Variants in LOXL3 observed in about 807,000 individuals in gnomAD.
LOXL3 encodes the protein lysyl oxidase homolog 3.
Under a neutral mutation model 91.8 loss-of-function variants are expected in LOXL3, and 60 were observed. The ratio of observed to expected loss-of-function variants is 0.65; its 90% confidence interval spans 0.53 to 0.81. LOXL3 has a LOEUF of 0.81. LOXL3 is among the 30% of genes least tolerant of loss of function. The pLI, the probability that LOXL3 is intolerant of heterozygous loss-of-function variation, is 0.00. For missense variants in LOXL3, 874 were observed against 1,000.4 expected (o/e 0.87, Z 1.70); for synonymous variants, 355 against 387.6 (o/e 0.92, Z 0.99).
Position 74,534,719 on chromosome 2 carries a change from T to G in LOXL3, c.1635A>C (p.Glu545Asp). 1 of 1,614,162 alleles carries G rather than the reference T, an allele frequency of 6.2e-7. No homozygotes were observed. The highest frequency in any genetic ancestry group is 8.5e-7 in the Non-Finnish European group (1 of 1,180,022). ...AGTACAACATATGCAGGGGCCGGTC[T>G]TCGATGTAGGCGGTCTCCTGCACCA... ...SALVQETAYI[E>D]DRPLHMLYCA... The change falls in exon 10 of 14, where the codon GAA (glutamate) becomes GAC (aspartate). Residue 545 changes from glutamate to aspartate, a missense_variant. Coordinates refer to ENST00000264094, the MANE Select transcript of LOXL3 (RefSeq NM_032603.5).
At position 74,552,443 on chromosome 2, in the gene LOXL3, A is replaced by T. The variant is rs982285787; in HGVS notation, c.192T>A (p.Gly64=). The T allele has an allele frequency of 1.9e-6, 3 of 1,613,704 alleles. No individual in the cohort carries two copies. The highest frequency in any genetic ancestry group is 4.5e-5 in the East Asian group (2 of 44,890). Residue 64 remains glycine, a synonymous_variant, in exon 2 of 14, where the codon GGT becomes GGA. Transcript: ENST00000264094. ...CATCATCGCAGATGGTGCCCCATTC[A>T]CCAGCTCGCTGTATCTCCACGCGGC... ...YEGRVEIQRA[G]EWGTICDDDF...
chr2:74,547,777 G>GA (rs1297940994), intron 4 of LOXL3, among the ~76,000 whole-genome samples: 1 of 151,968 alleles, frequency 6.6e-6, no homozygotes, highest in African/African-American at 2.4e-5. Context: ...AAGCATTTAG[G>GA]AAAAAATAAG....
At chr2:74,551,374 C>A (rs1341137821) in intron 2 of LOXL3, among the ~76,000 whole-genome samples, 17 of 152,238 alleles carry the variant, frequency 1.1e-4, no homozygotes, top group Admixed American at 1.1e-3. Flanking sequence ...CTAGCTCCTG[C>A]CCCACCAGAC....
chr2:74,554,830 G>A (rs1057386503), upstream of LOXL3: 1 of 1,613,834 alleles, frequency 6.2e-7, no homozygotes, highest in Non-Finnish European at 8.5e-7. This position sits in a 1 kb window ranked among gnomAD's most constrained non-coding sequence, Gnocchi z 4.9. Context: ...CTGGCGCATG[G>A]ATGCCGAACC....
chr2:74,555,039 C>T (rs1677321583), upstream of LOXL3: 1 of 1,431,748 alleles, frequency 7.0e-7, no homozygotes, highest in Non-Finnish European at 9.4e-7. This position sits in a 1 kb window ranked among gnomAD's most constrained non-coding sequence, Gnocchi z 6.1. Context: ...TCGCCCCCAA[C>T]CCCGTTTGGA....
At position 74,534,983 on chromosome 2, in the gene LOXL3, A is replaced by G. The variant is rs1223100683; in HGVS notation, c.1580-209T>C. On this transcript the variant is annotated intron_variant, in intron 9 of 13. Transcript: ENST00000264094. ...AACCTCTGCCACCTGGGTTCAAGTG[A>G]TTCTCCTGCCTCAGCCTCCCGAGTA... 2.0e-5 allele frequency among the ~76,000 whole-genome samples: 3 copies of G among 152,224 alleles called. No homozygotes were observed. In the East Asian group the frequency reaches 5.8e-4, roughly 29 times the overall value.
rs992830403 is a variant in LOXL3 at position 74,549,189 on chromosome 2, C to T, written c.692+180G>A. 1.5e-6 allele frequency: 1 copy of T among 650,598 alleles called. No individual in the cohort carries two copies. Among genetic ancestry groups the T allele is most frequent in the East Asian group, 3.1e-5 (1 of 32,150 alleles). The allele number at this position is 650,598 out of a possible 1,614,324, so 40.3% of individuals were successfully genotyped here. On this transcript the variant is annotated intron_variant, in intron 4 of 13. Coordinates refer to ENST00000264094, the MANE Select transcript of LOXL3 (RefSeq NM_032603.5). The surrounding 1 kb of genome is among the most constrained non-coding windows in gnomAD (Gnocchi z 5.3). ...CCATTTCAGGTACTCCCTTGGGGCA[C>T]CTTTCGTGGTCCCACAAGATTTCCC... is the stretch of plus-strand genomic sequence containing the variant.
At position 74,533,997 on chromosome 2, in the gene LOXL3, T is replaced by G. The variant is rs992698981; in HGVS notation, c.2077-4A>C. 3 of 1,613,364 alleles carry G rather than the reference T, an allele frequency of 1.9e-6. No homozygotes were observed. Among genetic ancestry groups the G allele is most frequent in the African/African-American group, 2.7e-5 (2 of 74,908 alleles). ...CAAAGTTTGGGTTGATGACAACCTG[T>G]GAGTGAGAAAAAGGCCACTTAACCC... is the stretch of plus-strand genomic sequence containing the variant. On this transcript the variant is annotated splice_polypyrimidine_tract_variant and splice_region_variant and intron_variant, in intron 12 of 13. Transcript: ENST00000264094.
At chr2:74,547,644 G>C (rs755953570) in intron 4 of LOXL3, among the ~76,000 whole-genome samples, 2 of 149,542 alleles carry the variant, frequency 1.3e-5, no homozygotes, top group Admixed American at 6.7e-5. Flanking sequence ...GTATAGAAAA[G>C]ACTGGAGACT....
Position 74,535,317 on chromosome 2 carries a change from G to A in LOXL3, c.1554C>T (p.Phe518=). ...TCTCAGAACAGATGACTCCAGCAGT[G>A]AAGCGGGTCCCTGTCCTCTTGCAGG... ...HITCKRTGTR[F]TAGVICSETA... is the part of the protein sequence containing the mutation. Residue 518 remains phenylalanine (F), a synonymous_variant, in exon 9 of 14, where the codon TTC becomes TTT. Coordinates refer to ENST00000264094, the MANE Select transcript of LOXL3 (RefSeq NM_032603.5). The surrounding 1 kb of genome is among the most constrained non-coding windows in gnomAD (Gnocchi z 4.2). The A allele has an allele frequency of 6.2e-7, 1 of 1,613,976 alleles. No individual in the cohort carries two copies. Among genetic ancestry groups the A allele is most frequent in the Non-Finnish European group, 8.5e-7 (1 of 1,179,996 alleles).
chr2:74,537,935 A>G (rs547340242), intron 4 of LOXL3, among the ~76,000 whole-genome samples: 4 of 152,218 alleles, frequency 2.6e-5, no homozygotes, highest in Non-Finnish European at 5.9e-5. Context: ...CATTATTGCA[A>G]TAATGTGCCC....
chr2:74,555,532 C>T, upstream of LOXL3: 1 of 1,613,608 alleles, frequency 6.2e-7, no homozygotes, highest in Non-Finnish European at 8.5e-7. This position sits in a 1 kb window ranked among gnomAD's most constrained non-coding sequence, Gnocchi z 6.1. Context: ...ACCCCCGCTC[C>T]CCGCTGAGGA....
At chr2:74,543,530 A>G (rs1676436256) in intron 4 of LOXL3, among the ~76,000 whole-genome samples, 1 of 152,100 alleles carries the variant, frequency 6.6e-6, no homozygotes, top group African/African-American at 2.4e-5. Flanking sequence ...TGTCAATTTT[A>G]CTTCTAAATA....
Position 74,536,922 on chromosome 2 carries a change from T to C in LOXL3, c.699A>G (p.Leu233=), listed in dbSNP as rs1676063909. ...CAAAGGAGTGTTGCTGCCGTTGGGC[T>C]AGCAGCCTAGGGGGACAGGAGTGAG... ...KRVNAAFYRL[L]AQRQQHSFGL... is the part of the protein sequence containing the mutation. The change falls in exon 5 of 14, where the codon CTA becomes CTG. Residue 233 remains leucine (L), a synonymous_variant. Transcript: ENST00000264094. This position sits in a 1 kb window ranked among gnomAD's most constrained non-coding sequence, Gnocchi z 4.5. The C allele has an allele frequency of 6.2e-7, 1 of 1,613,910 alleles. No individual in the cohort carries two copies. The highest frequency in any genetic ancestry group is 1.7e-5 in the Admixed American group (1 of 60,006).
upstream of LOXL3, chr2:74,554,586 G>T: frequency 1.6e-6 from 1 of 640,340 alleles, no homozygotes; most frequent in South Asian, 1.9e-5. The surrounding 1 kb of genome is among the most constrained non-coding windows in gnomAD (Gnocchi z 4.9). Context: ...GCTAATCCGG[G>T]GGTCTCCACC....
intron 10 of LOXL3, 40 bp from the exon 11 acceptor site, chr2:74,534,471 C>T: frequency 6.2e-7 from 1 of 1,613,626 alleles, no homozygotes; most frequent in Non-Finnish European, 8.5e-7. Context: ...TCTCTGCCCC[C>T]AGAAGGTTTG....
rs1676004197 is a variant in LOXL3 at position 74,536,114 on chromosome 2, G to T, written c.1130C>A (p.Ser377Tyr). ...GAIHLSEVRC[S>Y]GQELSLWKCP... Reference sequence around the variant, plus strand: ...CTTCCAGAGGGAGAGCTCCTGTCCAGAGCAGCGAACTTCACTCAGGTGGAT... The same window carrying T: ...CTTCCAGAGGGAGAGCTCCTGTCCATAGCAGCGAACTTCACTCAGGTGGAT... Residue 377 changes from serine (S) to tyrosine (Y), a missense_variant, in exon 7 of 14, where the codon TCT becomes TAT. By Grantham distance (144) the Ser-to-Tyr change is moderately radical. Transcript: ENST00000264094. This position sits in a 1 kb window ranked among gnomAD's most constrained non-coding sequence, Gnocchi z 4.5. The T allele has an allele frequency of 6.2e-7, 1 of 1,613,858 alleles. No homozygotes were observed. The highest frequency in any genetic ancestry group is 1.7e-5 in the Admixed American group (1 of 60,000).
At chr2:74,544,939 G>A (rs912363385) in intron 4 of LOXL3, among the ~76,000 whole-genome samples, 13 of 152,270 alleles carry the variant, frequency 8.5e-5, no homozygotes, top group Admixed American at 8.5e-4. Flanking sequence ...CACGAAGAAT[G>A]GCCTCTGTGC....
At chr2:74,546,705 CTTAAT>C (rs978538623) in intron 4 of LOXL3, among the ~76,000 whole-genome samples, 1 of 152,092 alleles carries the variant, frequency 6.6e-6, no homozygotes, top group African/African-American at 2.4e-5. Flanking sequence ...TACTTACTTA[CTTAAT>C]TTATTTTTAT....
Sources: gnomAD v4.1 joint callset for allele counts (sites outside exome capture counted in the v4.1 genomes callset) on GRCh38, gnomAD v4.1.1 for gene constraint, Gnocchi (gnomAD v3.1) non-coding constraint, MANE v1.5 for transcripts, NCBI Gene and HGNC (gene_info 2026-07-23, HGNC 2026-07-21) for gene names.